ADAMTSL1: variants seen among roughly 807,000 people sequenced by gnomAD.
ADAMTSL1 encodes ADAMTS-like protein 1.
In ADAMTSL1, 126 loss-of-function variants were observed where a neutral mutation model predicts 201.8. The observed-to-expected ratio is 0.62, with a 90% CI of 0.54 to 0.72. The LOEUF (loss-of-function observed/expected upper bound fraction) is 0.72. Ranked by LOEUF, ADAMTSL1 falls within the 30% of genes least tolerant of loss-of-function variation. The pLI is 0.00. For synonymous variants in ADAMTSL1, 1,121 were observed against 903.4 expected (o/e 1.24, Z -4.32); for missense variants, 2,679 against 2,277.8 (o/e 1.18, Z -3.59).
chr9:18,850,953 C>G (rs1339888001), intron 23 of ADAMTSL1, among the ~76,000 whole-genome samples: 1 of 152,190 alleles, frequency 6.6e-6, no homozygotes, highest in Non-Finnish European at 1.5e-5. Flanking sequence ...ATGCAATGTG[C>G]CCAGTTTAGT....
At chr9:18,587,242 A>G (rs1434497974) in intron 4 of ADAMTSL1, among the ~76,000 whole-genome samples, 1 of 152,084 alleles carries the variant, frequency 6.6e-6, no homozygotes, top group African/African-American at 2.4e-5. Flanking sequence ...AGGAACTTAA[A>G]CAAGTTTATA....
chr9:18,849,922 T>C (rs1826373536), intron 23 of ADAMTSL1, among the ~76,000 whole-genome samples: 1 of 152,154 alleles, frequency 6.6e-6, no homozygotes, highest in African/African-American at 2.4e-5. Flanking sequence ...ATACATACAG[T>C]GTAAAACTAA....
At chr9:18,184,027 G>T (rs1006258102) in intron 2 of ADAMTSL1, among the ~76,000 whole-genome samples, 35 of 152,320 alleles carry the variant, frequency 2.3e-4, no homozygotes, top group African/African-American at 7.5e-4. Flanking sequence ...TTATTTCCCA[G>T]TGCTGTCTAA....
chr9:18,666,950 C>CTTT (rs35220169), intron 9 of ADAMTSL1, among the ~76,000 whole-genome samples: 2 of 128,966 alleles, frequency 1.6e-5, no homozygotes, highest in East Asian at 2.2e-4. Flanking sequence ...TGCAGATTTT[C>CTTT]TTTTTTTTTT....
chr9:18,664,895 A>G (rs1401989646), intron 9 of ADAMTSL1, among the ~76,000 whole-genome samples: 3 of 152,148 alleles, frequency 2.0e-5, no homozygotes, highest in Admixed American at 1.3e-4. Flanking sequence ...AGTTTTTTAA[A>G]TTAAATTTTG....
intron 5 of ADAMTSL1, 34 bp from the exon 6 acceptor site, chr9:18,635,909 C>A (rs1036076196): frequency 1.3e-6 from 2 of 1,569,940 alleles, no homozygotes; most frequent in African/African-American, 2.7e-5. Flanking sequence ...TGTCAAGTGA[C>A]ATGCTTTTAA....
intron 2 of ADAMTSL1, among the ~76,000 whole-genome samples, chr9:18,336,053 G>T (rs984707391): frequency 1.3e-5 from 2 of 152,052 alleles, no homozygotes; most frequent in African/African-American, 4.8e-5. Flanking sequence ...ACAAGTTCAG[G>T]TTTTATTTCA....
At chr9:18,660,575 T>G (rs1829018222) in intron 8 of ADAMTSL1, among the ~76,000 whole-genome samples, 1 of 152,224 alleles carries the variant, frequency 6.6e-6, no homozygotes, top group South Asian at 2.1e-4. Flanking sequence ...CATGATAAAT[T>G]CTGTCCCTGT....
intron 1 of ADAMTSL1, among the ~76,000 whole-genome samples, chr9:17,917,958 G>A (rs141313113): frequency 7.2e-5 from 11 of 151,990 alleles, no homozygotes; most frequent in Non-Finnish European, 5.9e-5. Context: ...GTGTAAAGTA[G>A]TTCATAGTGC....
At chr9:18,291,785 A>G (rs1326650996) in intron 2 of ADAMTSL1, among the ~76,000 whole-genome samples, 1 of 135,012 alleles carries the variant, frequency 7.4e-6, no homozygotes. Context: ...ACACATCCCT[A>G]CCTGTCTTAG....
chr9:18,275,274 T>C (rs900072783), intron 2 of ADAMTSL1, among the ~76,000 whole-genome samples: 1 of 152,212 alleles, frequency 6.6e-6, no homozygotes, highest in Non-Finnish European at 1.5e-5. Context: ...TGCGCATTAC[T>C]TTATAGCTAT....
chr9:18,827,179 T>TAAA (rs1425060351), intron 22 of ADAMTSL1, among the ~76,000 whole-genome samples: 11 of 136,996 alleles, frequency 8.0e-5, no homozygotes, highest in African/African-American at 1.5e-4. Flanking sequence ...AAAAAAAAAT[T>TAAA]TTTTTTGGCT....
chr9:17,962,786 G>C (rs1370127462), intron 1 of ADAMTSL1, among the ~76,000 whole-genome samples: 1 of 152,188 alleles, frequency 6.6e-6, no homozygotes, highest in African/African-American at 2.4e-5. Flanking sequence ...TCCTGAATAT[G>C]TTCAACTTCT....
rs36057514 is a variant in ADAMTSL1, at chr9:18,889,626, G to A, written c.4521G>A (p.Gly1507=). 98 of 1,613,512 alleles carry A rather than the reference G, an allele frequency of 6.1e-5. No homozygotes were observed. The African/African-American group carries it at 1.0e-3, about 17-fold the overall frequency. ...GCTCAGCCTCCTGTGGTAACCGGGG[G>A]GTTCAGCAGCCCCGCTTGAGGTGCC... The part of the protein sequence containing the change: ...ATCSASCGNR[G]VQQPRLRCLL... Residue 1507 remains glycine, a synonymous_variant, in exon 25 of 29, where the codon GGG becomes GGA. Transcript: ENST00000380548.
At chr9:18,901,856 G>T (rs1452641703) in intron 26 of ADAMTSL1, among the ~76,000 whole-genome samples, 1 of 152,094 alleles carries the variant, frequency 6.6e-6, no homozygotes, top group Non-Finnish European at 1.5e-5. Context: ...GCATAGATTG[G>T]CCTAGTAGAT....
intron 15 of ADAMTSL1, among the ~76,000 whole-genome samples, chr9:18,744,463 C>A (rs1819017140): frequency 6.6e-6 from 1 of 152,240 alleles, no homozygotes; most frequent in African/African-American, 2.4e-5. Context: ...CTTTAGGAAG[C>A]TGCCTCACTC....
upstream of ADAMTSL1, among the ~76,000 whole-genome samples, chr9:18,472,461 T>TA (rs1233581813): frequency 2.0e-5 from 3 of 152,234 alleles, no homozygotes; most frequent in Non-Finnish European, 2.9e-5. Context: ...TCCACATACT[T>TA]AATATTGAGA....
chr9:17,956,105 C>T (rs1827918773), intron 1 of ADAMTSL1, among the ~76,000 whole-genome samples: 1 of 152,102 alleles, frequency 6.6e-6, no homozygotes, highest in Non-Finnish European at 1.5e-5. Context: ...GCACAATTAT[C>T]CATGGAACTA....
intron 19 of ADAMTSL1, among the ~76,000 whole-genome samples, chr9:18,789,240 T>A (rs1821885096): frequency 6.6e-6 from 1 of 152,204 alleles, no homozygotes; most frequent in Non-Finnish European, 1.5e-5. Flanking sequence ...TTTCTGTAGT[T>A]TTTTACTACA....
Sources: allele counts gnomAD v4.1 joint callset (sites outside exome capture counted in the v4.1 genomes callset), GRCh38; gene constraint gnomAD v4.1.1; transcripts MANE v1.5; gene names NCBI Gene and HGNC (gene_info 2026-07-23, HGNC 2026-07-21).